Variants in TLK1 observed in about 807,000 individuals in gnomAD.
TLK1 encodes serine/threonine-protein kinase tousled-like 1.
Under a neutral mutation model 105.3 loss-of-function variants are expected in TLK1, and 24 were observed. That is an observed-to-expected ratio of 0.23 (90% CI 0.17 to 0.32). The LOEUF (loss-of-function observed/expected upper bound fraction) is 0.32, where lower values mean the gene tolerates loss of function less well. Ranked by LOEUF, TLK1 falls within the 10% of genes least tolerant of loss-of-function variation. The probability of loss-of-function intolerance (pLI) is 1.00; values close to 1 mark genes in which losing one functional copy is unlikely to be tolerated. For synonymous variants in TLK1, 321 were observed against 310.4 expected (o/e 1.03, Z -0.36); for missense variants, 558 against 910.5 (o/e 0.61, Z 4.98).
At chr2:171,059,434 T>C (rs1321687652) in intron 4 of TLK1, among the ~76,000 whole-genome samples, 1 of 152,200 alleles carries the variant, frequency 6.6e-6, no homozygotes, top group Non-Finnish European at 1.5e-5. Flanking sequence ...ACCTTCTTAT[T>C]AGAAATCCAA....
chr2:171,096,951 T>C (rs750080296), intron 2 of TLK1, among the ~76,000 whole-genome samples: 5 of 152,158 alleles, frequency 3.3e-5, no homozygotes, highest in Non-Finnish European at 5.9e-5. Context: ...AAAACTCCAA[T>C]GGCATTTTTC....
intron 3 of TLK1, among the ~76,000 whole-genome samples, chr2:171,079,219 A>G (rs964172): frequency 0.47 from 72,006 of 152,050 alleles, 19,269 homozygotes; most frequent in African/African-American, 0.74. Flanking sequence ...TTCATACTTC[A>G]CTCTGTCTTA....
chr2:171,082,911 TA>T, intron 2 of TLK1, 59 bp from the exon 3 acceptor site: 1 of 1,195,428 alleles, frequency 8.4e-7, no homozygotes, highest in Non-Finnish European at 1.2e-6. Context: ...GCAGCGGGAA[TA>T]ATTTTAAACA....
chr2:171,160,955 G>A (rs1692474348), upstream of TLK1: 2 of 202,894 alleles, frequency 9.9e-6, no homozygotes, highest in South Asian at 1.4e-4. The surrounding 1 kb of genome is among the most constrained non-coding windows in gnomAD (Gnocchi z 4.4). Flanking sequence ...CGAGGCTCCT[G>A]CGCCTCCGGT....
chr2:171,186,599 A>C (rs565348920), intron 1 of TLK1, among the ~76,000 whole-genome samples: 1 of 152,314 alleles, frequency 6.6e-6, no homozygotes, highest in African/African-American at 2.4e-5. Flanking sequence ...GGCTAGGAGA[A>C]GCCCAGCACT....
chr2:171,065,525 T>C (rs1687946554), intron 3 of TLK1, among the ~76,000 whole-genome samples: 1 of 145,394 alleles, frequency 6.9e-6, no homozygotes, highest in Non-Finnish European at 1.5e-5. Context: ...AACTGCAACT[T>C]CACTGGCTAT....
chr2:170,996,830 T>A, intron 19 of TLK1, 70 bp from the exon 20 acceptor site: 4 of 1,352,596 alleles, frequency 3.0e-6, no homozygotes, highest in South Asian at 1.4e-5. Context: ...CATTTCTGTT[T>A]AAGCGAATTC....
At chr2:171,157,686 T>C (rs1692292499) in intron 1 of TLK1, among the ~76,000 whole-genome samples, 1 of 152,204 alleles carries the variant, frequency 6.6e-6, no homozygotes, top group Admixed American at 6.5e-5. Flanking sequence ...ATCTTAGGTT[T>C]GTGGTTTCAA....
chr2:171,147,633 C>G (rs1157191048), intron 1 of TLK1, among the ~76,000 whole-genome samples: 1 of 152,106 alleles, frequency 6.6e-6, no homozygotes, highest in African/African-American at 2.4e-5. Flanking sequence ...GAATAGGGAC[C>G]AAATACTATC....
At chr2:171,130,373 G>A (rs1691051950) in intron 1 of TLK1, among the ~76,000 whole-genome samples, 1 of 146,812 alleles carries the variant, frequency 6.8e-6, no homozygotes, top group Non-Finnish European at 1.5e-5. Flanking sequence ...CTGCACTCTA[G>A]CCTGGGCAAC....
At chr2:171,147,154 T>C (rs1691825216) in intron 1 of TLK1, among the ~76,000 whole-genome samples, 2 of 152,216 alleles carry the variant, frequency 1.3e-5, no homozygotes, top group African/African-American at 2.4e-5. Context: ...ACCAAGCTCC[T>C]AGAAAGCAAG....
At chr2:171,067,095 C>T (rs958463007) in intron 3 of TLK1, 4 of 932,396 alleles carry the variant, frequency 4.3e-6, no homozygotes, top group Non-Finnish European at 6.0e-6. Flanking sequence ...TAGGTCTGTA[C>T]AATTATTTCT....
chr2:171,108,141 T>C (rs571912773), intron 2 of TLK1, among the ~76,000 whole-genome samples: 1 of 151,538 alleles, frequency 6.6e-6, no homozygotes, highest in South Asian at 2.1e-4. Flanking sequence ...AGTAAAGATG[T>C]ACATGAACAC....
At chr2:171,218,268 C>CA (rs543822237) in intron 1 of TLK1, among the ~76,000 whole-genome samples, 10 of 151,208 alleles carry the variant, frequency 6.6e-5, no homozygotes, top group South Asian at 2.1e-4. Flanking sequence ...AACAAACAAA[C>CA]AACAACAACA....
Position 171,095,259 on chromosome 2 carries a change from G to A in TLK1, c.259-12407C>T, listed in dbSNP as rs369972206. On this transcript the variant is annotated intron_variant, in intron 2 of 20. Coordinates refer to ENST00000431350, the MANE Select transcript of TLK1 (RefSeq NM_012290.5). ...AAACTAAAACCAAAGCAAGCAGGGGGGAAAATATATATCACAGCAGAAACA... is the reference window on the plus strand; with the variant it reads ...AAACTAAAACCAAAGCAAGCAGGGGAGAAAATATATATCACAGCAGAAACA... 1.5e-4 allele frequency among the ~76,000 whole-genome samples: 23 copies of A among 151,454 alleles called. No individual in the cohort carries two copies. The South Asian group carries it at 4.8e-3, about 32-fold the overall frequency.
intron 11 of TLK1, among the ~76,000 whole-genome samples, chr2:171,031,656 C>T (rs1357285094): frequency 1.3e-5 from 2 of 152,054 alleles, no homozygotes; most frequent in East Asian, 3.8e-4. Context: ...TAAACGTTAA[C>T]AAATTTAAAC....
chr2:171,069,992 G>A (rs1688178604), intron 3 of TLK1, among the ~76,000 whole-genome samples: 1 of 152,162 alleles, frequency 6.6e-6, no homozygotes, highest in African/African-American at 2.4e-5. Flanking sequence ...CAAGTGAGAT[G>A]AGTATGCTAG....
At chr2:171,046,548 G>T (rs534335095) in intron 10 of TLK1, among the ~76,000 whole-genome samples, 186 bp from the exon 11 acceptor site, 1 of 152,196 alleles carries the variant, frequency 6.6e-6, no homozygotes, top group East Asian at 1.9e-4. Flanking sequence ...TTTAAGTGAG[G>T]TATTCTCTAA....
intron 3 of TLK1, among the ~76,000 whole-genome samples, chr2:171,082,261 G>T (rs779054548): frequency 2.0e-5 from 3 of 152,012 alleles, no homozygotes; most frequent in African/African-American, 4.8e-5. Context: ...TTCTTGGTGG[G>T]ATCAGTAAGT....
Sources: gnomAD v4.1 joint callset for allele counts (sites outside exome capture counted in the v4.1 genomes callset) on GRCh38, gnomAD v4.1.1 for gene constraint, Gnocchi (gnomAD v3.1) non-coding constraint, MANE v1.5 for transcripts, NCBI Gene and HGNC (gene_info 2026-07-23, HGNC 2026-07-21) for gene names.